Variants in CNTN3 observed in about 807,000 individuals in gnomAD.
CNTN3 encodes the protein contactin 3.
A neutral mutation model predicts 119.1 loss-of-function variants in CNTN3; 60 were observed. The ratio of observed to expected loss-of-function variants is 0.50; its 90% CI spans 0.41 to 0.62. CNTN3 has a LOEUF of 0.62. Among genes scored for constraint, CNTN3 ranks in the 20% least tolerant of loss-of-function variants. The pLI, the probability that CNTN3 is intolerant of heterozygous loss-of-function variation, is 0.00. For missense variants in CNTN3, 1,101 were observed against 1,242.4 expected (o/e 0.89, Z 1.71); for synonymous variants, 450 against 438.7 (o/e 1.03, Z -0.32).
intron 1 of CNTN3, among the ~76,000 whole-genome samples, chr3:74,572,609 A>G (rs1418648067): frequency 1.3e-5 from 2 of 152,258 alleles, no homozygotes; most frequent in African/African-American, 4.8e-5. Flanking sequence ...AAAGGGCACC[A>G]AACACACTAA....
At chr3:74,377,372 T>C (rs191519933) in intron 5 of CNTN3, among the ~76,000 whole-genome samples, 2 of 152,246 alleles carry the variant, frequency 1.3e-5, no homozygotes, top group African/African-American at 4.8e-5. Flanking sequence ...ATGAATATAG[T>C]AAAAAAGTCT....
At chr3:74,329,456 A>G (rs759170913) in intron 13 of CNTN3, among the ~76,000 whole-genome samples, 1 of 152,236 alleles carries the variant, frequency 6.6e-6, no homozygotes, top group East Asian at 1.9e-4. Context: ...AGGGTTTATC[A>G]AAGCATATAT....
intron 1 of CNTN3, among the ~76,000 whole-genome samples, chr3:74,596,205 G>A (rs1251896154): frequency 2.0e-5 from 3 of 152,012 alleles, no homozygotes. Flanking sequence ...ACAAATGGAA[G>A]AACATTCCAT....
intron 13 of CNTN3, among the ~76,000 whole-genome samples, chr3:74,318,270 C>T (rs1016874977): frequency 6.6e-6 from 1 of 151,990 alleles, no homozygotes; most frequent in African/African-American, 2.4e-5. Flanking sequence ...AACTTCTTTG[C>T]CATTGGTTTG....
intron 13 of CNTN3, among the ~76,000 whole-genome samples, chr3:74,304,815 G>C (rs1171614300): frequency 6.6e-6 from 1 of 152,116 alleles, no homozygotes; most frequent in African/African-American, 2.4e-5. Flanking sequence ...ACTAAAACAA[G>C]TAGAATTGGA....
At chr3:74,568,030 T>G (rs2106644402) in intron 1 of CNTN3, among the ~76,000 whole-genome samples, 1 of 152,254 alleles carries the variant, frequency 6.6e-6, no homozygotes, top group East Asian at 1.9e-4. Flanking sequence ...CAGCCCCCAC[T>G]TTTTCTAAAC....
intron 4 of CNTN3, among the ~76,000 whole-genome samples, chr3:74,456,350 A>T (rs558720817): frequency 6.6e-6 from 1 of 152,216 alleles, no homozygotes; most frequent in East Asian, 1.9e-4. Context: ...TCTGACTCCA[A>T]ATTTATTGCA....
intron 11 of CNTN3, among the ~76,000 whole-genome samples, chr3:74,346,393 T>C (rs1703688046): frequency 1.3e-5 from 2 of 152,044 alleles, no homozygotes; most frequent in South Asian, 2.1e-4. Context: ...CTCAATTATA[T>C]ATATATATTT....
chr3:74,365,109 T>C (rs1442280426), intron 9 of CNTN3, among the ~76,000 whole-genome samples: 1 of 151,956 alleles, frequency 6.6e-6, no homozygotes, highest in Non-Finnish European at 1.5e-5. Context: ...ATTGACTTAG[T>C]ATACAAAAAA....
intron 5 of CNTN3, among the ~76,000 whole-genome samples, chr3:74,376,789 A>G (rs1201109224): frequency 6.6e-6 from 1 of 152,128 alleles, no homozygotes; most frequent in Admixed American, 6.6e-5. Flanking sequence ...CTAAGTTTGT[A>G]GTAATTTGTT....
rs1417290720 is a variant in CNTN3, at chr3:74,535,721, CA to C, written c.-80-14530del. Among the ~76,000 whole-genome samples the C allele has an allele frequency of 2.0e-5, 3 of 152,174 alleles. No individual in the cohort carries two copies. In the South Asian group the frequency reaches 6.2e-4, roughly 32 times the overall value. On this transcript the variant is annotated intron_variant, in intron 1 of 22. Transcript: ENST00000263665. ...TTTATTTCAGAAGACCCTGGACTTC[CA>C]GAGTTTTCTAATGAGATCTTTCAGT...
intron 13 of CNTN3, among the ~76,000 whole-genome samples, chr3:74,332,982 A>G (rs954932488): frequency 6.6e-6 from 1 of 152,234 alleles, no homozygotes; most frequent in African/African-American, 2.4e-5. Context: ...GCTAGCTCAG[A>G]ATATGGCCTA....
At chr3:74,416,493 A>T (rs566494809) in intron 5 of CNTN3, among the ~76,000 whole-genome samples, 143 of 152,296 alleles carry the variant, frequency 9.4e-4, no homozygotes, top group Non-Finnish European at 1.6e-3. Context: ...CTAGGTGCCC[A>T]GTTTGTACCC....
At chr3:74,488,568 T>C (rs1285516470) in intron 3 of CNTN3, among the ~76,000 whole-genome samples, 1 of 152,202 alleles carries the variant, frequency 6.6e-6, no homozygotes, top group Non-Finnish European at 1.5e-5. Context: ...TCTGAAATAA[T>C]GCATAATGAA....
chr3:74,266,309 C>T (rs928051551), intron 22 of CNTN3, among the ~76,000 whole-genome samples, 172 bp downstream of exon 22: 1 of 152,108 alleles, frequency 6.6e-6, no homozygotes, highest in Non-Finnish European at 1.5e-5. Flanking sequence ...CCCTATTTTG[C>T]ACCACTCTTG....
Position 74,602,938 on chromosome 3 carries a change from A to G in CNTN3, c.-81+11453T>C, listed in dbSNP as rs561632198. On this transcript the variant is annotated intron_variant, in intron 1 of 22. Transcript: ENST00000263665. Reference sequence around the variant, plus strand: ...CATTCTTAACTTGGGCTCCTTAGAGACAAAATCTGAAATGAAGAAGGTTTA... The same window carrying G: ...CATTCTTAACTTGGGCTCCTTAGAGGCAAAATCTGAAATGAAGAAGGTTTA... Among the ~76,000 whole-genome samples the G allele has an allele frequency of 1.8e-4, 27 of 152,264 alleles. No homozygotes were observed. The South Asian group carries it at 5.4e-3, about 30-fold the overall frequency.
chr3:74,512,692 CAA>C (rs66822650), intron 2 of CNTN3, among the ~76,000 whole-genome samples: 8,637 of 84,946 alleles, frequency 0.1, 193 homozygotes, highest in East Asian at 0.25. Context: ...CATAATCAAG[CAA>C]AAAAAAAAAA....
intron 4 of CNTN3, among the ~76,000 whole-genome samples, chr3:74,484,111 C>G (rs1010292744): frequency 1.3e-5 from 2 of 151,982 alleles, no homozygotes; most frequent in Non-Finnish European, 2.9e-5. Context: ...GGAATGACTC[C>G]TAGAAACAAG....
chr3:74,435,453 A>C (rs1222709152), intron 4 of CNTN3, among the ~76,000 whole-genome samples: 1 of 152,206 alleles, frequency 6.6e-6, no homozygotes, highest in Non-Finnish European at 1.5e-5. Flanking sequence ...CTAGGATTAC[A>C]GGCATGAGCC....
Sources: allele counts gnomAD v4.1 joint callset (sites outside exome capture counted in the v4.1 genomes callset), GRCh38; gene constraint gnomAD v4.1.1; transcripts MANE v1.5; gene names NCBI Gene and HGNC (gene_info 2026-07-23, HGNC 2026-07-21).